Variants in CDH12 observed in about 807,000 individuals in gnomAD.
The protein encoded by CDH12 is cadherin 12, also known as cadherin-12.
CDH12 carries 41 observed loss-of-function variants against 74.1 expected under a neutral mutation model. The observed-to-expected ratio is 0.55, with a 90% CI of 0.43 to 0.72. The LOEUF (loss-of-function observed/expected upper bound fraction) is 0.72. Ranked by LOEUF, CDH12 falls within the 30% of genes least tolerant of loss-of-function variation. The pLI is 0.00. For synonymous variants in CDH12, 399 were observed against 355.0 expected (o/e 1.12, Z -1.39); for missense variants, 945 against 977.2 (o/e 0.97, Z 0.44).
chr5:22,794,205 C>T (rs1748068346), intron 1 of CDH12, among the ~76,000 whole-genome samples: 1 of 152,152 alleles, frequency 6.6e-6, no homozygotes, highest in Admixed American at 6.5e-5. Flanking sequence ...CTCCTTCCAC[C>T]TGGAAGGGCT....
chr5:22,313,070 A>C (rs143780743), intron 3 of CDH12, among the ~76,000 whole-genome samples: 2 of 152,306 alleles, frequency 1.3e-5, no homozygotes, highest in East Asian at 3.9e-4. Flanking sequence ...ACTACTTGCC[A>C]GTAGCATTCA....
At chr5:22,605,671 T>C (rs956338193) in intron 1 of CDH12, among the ~76,000 whole-genome samples, 79 of 152,348 alleles carry the variant, frequency 5.2e-4, no homozygotes, top group African/African-American at 1.8e-3. Context: ...CACCGACAGC[T>C]TGTCCCTTAT....
intron 6 of CDH12, among the ~76,000 whole-genome samples, chr5:21,949,463 A>G (rs1755734230): frequency 6.6e-6 from 1 of 152,010 alleles, no homozygotes; most frequent in East Asian, 1.9e-4. Context: ...AAAAAAAAAA[A>G]AAAAGAAATA....
chr5:22,067,110 C>A (rs1374903160), intron 5 of CDH12, among the ~76,000 whole-genome samples: 3 of 152,178 alleles, frequency 2.0e-5, no homozygotes, highest in African/African-American at 4.8e-5. Flanking sequence ...TGCCATAATT[C>A]ATTTCACAGG....
chr5:22,699,101 A>G (rs914331746), intron 1 of CDH12, among the ~76,000 whole-genome samples: 3 of 152,148 alleles, frequency 2.0e-5, no homozygotes, highest in Admixed American at 1.3e-4. Context: ...AGTTCTTATC[A>G]TGTGAATCAA....
intron 6 of CDH12, among the ~76,000 whole-genome samples, chr5:21,889,324 G>C (rs11749350): frequency 0.7 from 107,069 of 151,958 alleles, 39,398 homozygotes; most frequent in Non-Finnish European, 0.8. Flanking sequence ...AAAGTAGGGA[G>C]AAGGGAGATG....
At chr5:22,240,032 G>A (rs914313032) in intron 3 of CDH12, among the ~76,000 whole-genome samples, 21 of 152,070 alleles carry the variant, frequency 1.4e-4, no homozygotes, top group African/African-American at 4.3e-4. Context: ...CTAAGAATTT[G>A]TTACAAATTA....
intron 6 of CDH12, among the ~76,000 whole-genome samples, chr5:21,966,405 A>AATGAAT (rs1325450594): frequency 6.6e-6 from 1 of 152,048 alleles, no homozygotes; most frequent in Non-Finnish European, 1.5e-5. Flanking sequence ...ACAACACAGA[A>AATGAAT]ATGAATAAGT....
chr5:21,835,861 C>T (rs1749501654), intron 8 of CDH12, among the ~76,000 whole-genome samples: 1 of 151,688 alleles, frequency 6.6e-6, no homozygotes, highest in Admixed American at 6.6e-5. Context: ...ATAGTTTTAA[C>T]TGAATAAATG....
At chr5:21,836,890 T>G (rs1749566531) in intron 8 of CDH12, among the ~76,000 whole-genome samples, 1 of 151,980 alleles carries the variant, frequency 6.6e-6, no homozygotes, top group African/African-American at 2.4e-5. Context: ...CAGTTACCGC[T>G]CTTTTAATAT....
chr5:22,717,565 T>C (rs962214188), intron 1 of CDH12, among the ~76,000 whole-genome samples: 6 of 152,176 alleles, frequency 3.9e-5, no homozygotes, highest in African/African-American at 1.4e-4. Flanking sequence ...GTAGAAAGGA[T>C]ACACAAATGT....
chr5:22,232,643 G>A (rs911630366), intron 3 of CDH12, among the ~76,000 whole-genome samples: 1 of 151,314 alleles, frequency 6.6e-6, no homozygotes, highest in Admixed American at 6.6e-5. Flanking sequence ...ATTTCCAGAA[G>A]ATTCTAACAC....
chr5:22,151,743 A>G (rs1316432967), intron 4 of CDH12: 2 of 152,202 alleles, frequency 1.3e-5, no homozygotes, highest in African/African-American at 4.8e-5. Context: ...TTAAAAAAAT[A>G]GCTTTTTAAA....
intron 1 of CDH12, among the ~76,000 whole-genome samples, chr5:22,778,096 T>A (rs1028208557): frequency 1.3e-5 from 2 of 152,146 alleles, no homozygotes; most frequent in Admixed American, 1.3e-4. Context: ...TGGGCCATCA[T>A]GCCCGGCCAG....
chr5:22,432,554 T>C (rs1159070120), intron 2 of CDH12, among the ~76,000 whole-genome samples: 1 of 146,582 alleles, frequency 6.8e-6, no homozygotes, highest in Non-Finnish European at 1.5e-5. Flanking sequence ...TATGTCTGTG[T>C]GTGTGTGCGT....
chr5:21,832,458 T>A (rs1749078002), intron 8 of CDH12, among the ~76,000 whole-genome samples: 1 of 152,006 alleles, frequency 6.6e-6, no homozygotes, highest in South Asian at 2.1e-4. Context: ...TCACTGAGCT[T>A]GCATTCAAAT....
intron 1 of CDH12, among the ~76,000 whole-genome samples, chr5:22,783,914 A>G (rs1747503890): frequency 6.6e-6 from 1 of 152,022 alleles, no homozygotes; most frequent in South Asian, 2.1e-4. Flanking sequence ...TTTTTTTCCC[A>G]TCAGAACAAG....
intron 3 of CDH12, among the ~76,000 whole-genome samples, chr5:22,343,315 C>CACACACACAG (rs1739962559): frequency 1.6e-5 from 2 of 123,348 alleles, no homozygotes; most frequent in African/African-American, 3.5e-5. Flanking sequence ...CACACACAGA[C>CACACACACAG]ACACACACAG....
chr5:22,283,285 C>CAT (rs1352556828), intron 3 of CDH12, among the ~76,000 whole-genome samples: 37 of 134,888 alleles, frequency 2.7e-4, no homozygotes, highest in East Asian at 1.8e-3. Context: ...CATATACACA[C>CAT]ATATATATAT....
Sources: allele counts gnomAD v4.1 joint callset (sites outside exome capture counted in the v4.1 genomes callset), GRCh38; gene constraint gnomAD v4.1.1; transcripts MANE v1.5; gene names NCBI Gene and HGNC (gene_info 2026-07-23, HGNC 2026-07-21).